Variants in USP24 observed in about 807,000 individuals in gnomAD.
USP24 encodes the protein ubiquitin carboxyl-terminal hydrolase 24.
In USP24, 97 loss-of-function variants were observed where a neutral mutation model predicts 361.6. The ratio of observed to expected loss-of-function variants is 0.27; its 90% confidence interval spans 0.23 to 0.32. The LOEUF (loss-of-function observed/expected upper bound fraction) is 0.32, where lower values mean the gene tolerates loss of function less well. Among genes scored for constraint, USP24 ranks in the 10% least tolerant of loss-of-function variants. The pLI is 1.00. For missense variants in USP24, 2,353 were observed against 3,165.6 expected (o/e 0.74, Z 6.16); for synonymous variants, 1,098 against 1,124.6 (o/e 0.98, Z 0.47).
At chr1:55,188,785 C>G (rs536231847) in intron 1 of USP24, among the ~76,000 whole-genome samples, 3 of 151,570 alleles carry the variant, frequency 2.0e-5, no homozygotes, top group Admixed American at 2.0e-4. Context: ...ATAGTGAAAC[C>G]CCGTCTCTAC....
At position 55,153,859 on chromosome 1, in the gene USP24, C is replaced by T; in HGVS notation, c.1860+11G>A. On this transcript the variant is annotated intron_variant, in intron 16 of 67. Transcript: ENST00000294383. Reference sequence around the variant, plus strand: ...TATACCTTTTAGTTGGTTCCATCTGCAAATTCTTACCTTGAATCCATCCTT... The same window carrying T: ...TATACCTTTTAGTTGGTTCCATCTGTAAATTCTTACCTTGAATCCATCCTT... 1 of 1,550,022 alleles carries T rather than the reference C, an allele frequency of 6.5e-7. No homozygotes were observed. The highest frequency in any genetic ancestry group is 1.2e-5 in the South Asian group (1 of 83,716).
chr1:55,076,156 T>C (rs953191769), intron 62 of USP24, among the ~76,000 whole-genome samples: 6 of 152,266 alleles, frequency 3.9e-5, no homozygotes, highest in Non-Finnish European at 7.3e-5. Flanking sequence ...ATATACTTTA[T>C]GATCCTAAGG....
chr1:55,198,650 C>G (rs889747249), intron 1 of USP24, among the ~76,000 whole-genome samples: 3 of 152,120 alleles, frequency 2.0e-5, no homozygotes, highest in African/African-American at 7.2e-5. Flanking sequence ...GACAAATCAC[C>G]CCTGGTTGGT....
chr1:55,151,669 G>C (rs949699210), intron 16 of USP24, among the ~76,000 whole-genome samples: 1 of 152,084 alleles, frequency 6.6e-6, no homozygotes, highest in African/African-American at 2.4e-5. Flanking sequence ...TGACATAAGA[G>C]GGAAGGATTG....
At chr1:55,070,500 C>T (rs186504874) in intron 67 of USP24, among the ~76,000 whole-genome samples, 5 of 152,298 alleles carry the variant, frequency 3.3e-5, no homozygotes, top group Admixed American at 2.0e-4. Flanking sequence ...TGCTGCCGAG[C>T]AGTCGGCTAA....
chr1:55,176,332 C>G, intron 3 of USP24, 44 bp downstream of exon 3: 4 of 1,513,864 alleles, frequency 2.6e-6, no homozygotes, highest in Non-Finnish European at 3.6e-6. Context: ...ACCCTGCCCC[C>G]ACCCCGACAC....
At chr1:55,195,424 A>G (rs1644389990) in intron 1 of USP24, among the ~76,000 whole-genome samples, 1 of 152,224 alleles carries the variant, frequency 6.6e-6, no homozygotes, top group South Asian at 2.1e-4. Context: ...TTCTATTTTT[A>G]CACAGAATTC....
chr1:55,143,549 G>A (rs753049635), intron 21 of USP24, among the ~76,000 whole-genome samples: 1 of 152,000 alleles, frequency 6.6e-6, no homozygotes, highest in Admixed American at 6.6e-5. Context: ...TAGGACCCAG[G>A]GCTTGTAAAA....
chr1:55,134,700 G>A (rs1488471110), intron 28 of USP24, among the ~76,000 whole-genome samples: 2 of 152,212 alleles, frequency 1.3e-5, no homozygotes, highest in Non-Finnish European at 2.9e-5. Flanking sequence ...AGGTAAAGCA[G>A]AGAGCATGTG....
chr1:55,161,856 T>C (rs1648318806), intron 8 of USP24, among the ~76,000 whole-genome samples: 1 of 152,134 alleles, frequency 6.6e-6, no homozygotes, highest in South Asian at 2.1e-4. Context: ...TAAATACTAA[T>C]CTGATTCAAT....
chr1:55,107,164 T>C (rs1645798369), intron 40 of USP24, 75 bp downstream of exon 40: 1 of 1,475,738 alleles, frequency 6.8e-7, no homozygotes, highest in Admixed American at 2.4e-5. Context: ...TATCTTATTT[T>C]CCCACTTACA....
chr1:55,120,491 T>C lies in USP24; in HGVS notation c.4508+105A>G, dbSNP rs140540909. On this transcript the variant is annotated intron_variant, in intron 38 of 67. Transcript: ENST00000294383. ...CCCAAATTTCAGAAGAAGAAAGAAA[T>C]TCTAGTCATCTCAATAATGCACTGT... 8.4e-6 allele frequency: 11 copies of C among 1,302,890 alleles called. No individual in the cohort carries two copies. The East Asian group carries it at 2.9e-4, about 35-fold the overall frequency. 80.7% of individuals were successfully genotyped at this position (1,302,890 alleles called of 1,614,324 possible).
intron 40 of USP24, 110 bp from the exon 41 acceptor site, chr1:55,106,373 G>T: frequency 1.3e-6 from 1 of 751,092 alleles, no homozygotes; most frequent in Non-Finnish European, 2.2e-6. Context: ...CCACCCAATA[G>T]CAGAGCATTT....
chr1:55,077,388 T>C, intron 61 of USP24, 88 bp from the exon 62 acceptor site: 2 of 1,252,568 alleles, frequency 1.6e-6, no homozygotes, highest in Non-Finnish European at 2.2e-6. Context: ...TCTAGCTCTA[T>C]CACCTTCTGG....
chr1:55,178,651 G>A (rs1257673900), intron 1 of USP24, among the ~76,000 whole-genome samples: 1 of 150,104 alleles, frequency 6.7e-6, no homozygotes, highest in Non-Finnish European at 1.5e-5. Context: ...ACTCCAGCCT[G>A]GGCAACAGAG....
At position 55,083,756 on chromosome 1, in the gene USP24, G is replaced by A; in HGVS notation, c.6882+16C>T. The stretch of plus-strand genomic sequence containing the variant: ...CTTCTGTATTAGGAAAAGATATTAG[G>A]AAAAAAATTATTTACCTTTTGTACA... On this transcript the variant is annotated intron_variant, in intron 57 of 67. Coordinates refer to ENST00000294383, the MANE Select transcript of USP24 (RefSeq NM_015306.3). 9 of 1,539,918 alleles carry A rather than the reference G, an allele frequency of 5.8e-6. No homozygotes were observed. The highest frequency in any genetic ancestry group is 7.9e-6 in the Non-Finnish European group (9 of 1,141,186).
In USP24 at chr1:55,123,445, A is replaced by G; in HGVS notation, c.4276+2T>C. ...TTAATCACAAACAAGCCTCCAGCAT[A>G]CCCAGTTGCTGGCTCCGAAGCTGTA... On this transcript the variant is annotated splice_donor_variant, in intron 36 of 67. Coordinates refer to ENST00000294383, the MANE Select transcript of USP24 (RefSeq NM_015306.3). LOFTEE classifies it high-confidence loss of function. 1 of 1,583,664 alleles carries G rather than the reference A, an allele frequency of 6.3e-7. No individual in the cohort carries two copies. The highest frequency in any genetic ancestry group is 8.6e-7 in the Non-Finnish European group (1 of 1,164,778).
In USP24 at chr1:55,107,439, G is replaced by GAAAA; in HGVS notation, c.4571-13_4571-10dup. 1.3e-6 allele frequency: 2 copies of GAAAA among 1,482,242 alleles called. No individual in the cohort carries two copies. Among genetic ancestry groups the GAAAA allele is most frequent in the Non-Finnish European group, 1.8e-6 (2 of 1,108,198 alleles). 91.8% of individuals were successfully genotyped at this position (1,482,242 alleles called of 1,614,324 possible). On this transcript the variant is annotated splice_polypyrimidine_tract_variant and intron_variant, in intron 39 of 67. Coordinates refer to ENST00000294383, the MANE Select transcript of USP24 (RefSeq NM_015306.3). ...CTGCTCCATTTCTGAAGCTAAGAAG[G>GAAAA]AAAAAAAAAATCCATTACAAAGAAA...
intron 16 of USP24, among the ~76,000 whole-genome samples, chr1:55,153,538 A>G (rs1268462960): frequency 6.6e-6 from 1 of 152,092 alleles, no homozygotes; most frequent in Admixed American, 6.6e-5. Flanking sequence ...CAAGCACAAT[A>G]TTTATTTGGA....
Sources: gnomAD v4.1 joint callset for allele counts (sites outside exome capture counted in the v4.1 genomes callset) on GRCh38, gnomAD v4.1.1 for gene constraint, MANE v1.5 for transcripts, NCBI Gene and HGNC (gene_info 2026-07-23, HGNC 2026-07-21) for gene names.